The following MTR variants were observed in gnomAD, a reference collection of about 807,000 sequenced individuals.
The protein encoded by MTR is 5-methyltetrahydrofolate-homocysteine methyltransferase.
Under a neutral mutation model 154.8 loss-of-function variants are expected in MTR, and 84 were observed. The observed-to-expected ratio is 0.54, with a 90% CI of 0.45 to 0.65. The LOEUF (loss-of-function observed/expected upper bound fraction) is 0.65. Among genes scored for constraint, MTR ranks in the 30% least tolerant of loss-of-function variants. MTR has a pLI of 0.00. For missense variants in MTR, 1,275 were observed against 1,570.2 expected (o/e 0.81, Z 3.18); for synonymous variants, 554 against 553.9 (o/e 1.00, Z 0.00).
chr1:236,883,874 A>G (rs139123640), intron 25 of MTR, among the ~76,000 whole-genome samples: 1 of 152,292 alleles, frequency 6.6e-6, no homozygotes, highest in East Asian at 1.9e-4. Context: ...TTAAGTTCAG[A>G]TGAAGATGTT....
Position 236,885,116 on chromosome 1 carries a change from T to G in MTR, c.2677-5T>G. On this transcript the variant is annotated splice_polypyrimidine_tract_variant and splice_region_variant and intron_variant, in intron 25 of 32. Transcript: ENST00000366577. ...TGCTCATCTATGGCTATCTTGCATT[T>G]TCAGTGTTCCCAGCTGTTAGATGAA... 1 of 1,587,164 alleles carries G rather than the reference T, an allele frequency of 6.3e-7. No individual in the cohort carries two copies. Among genetic ancestry groups the G allele is most frequent in the Non-Finnish European group, 8.7e-7 (1 of 1,155,682 alleles).
intron 15 of MTR, among the ~76,000 whole-genome samples, chr1:236,840,908 C>G (rs536421459): frequency 4.6e-5 from 7 of 152,094 alleles, no homozygotes; most frequent in Non-Finnish European, 8.8e-5. Context: ...AAAGAGTGTA[C>G]ACATTTACTA....
At chr1:236,883,572 G>A (rs760052395) in intron 25 of MTR, among the ~76,000 whole-genome samples, 5 of 152,218 alleles carry the variant, frequency 3.3e-5, no homozygotes, top group Non-Finnish European at 7.3e-5. Flanking sequence ...GGAGTTCAGA[G>A]TAGGCATTCC....
At chr1:236,833,336 GTAA>G (rs1662722664) in intron 13 of MTR, among the ~76,000 whole-genome samples, 1 of 152,218 alleles carries the variant, frequency 6.6e-6, no homozygotes, top group South Asian at 2.1e-4. Flanking sequence ...ACAGGTGGAA[GTAA>G]TAATATCTAT....
chr1:236,816,306 A>G (rs975545236), intron 7 of MTR, 143 bp from the exon 8 acceptor site: 5 of 735,644 alleles, frequency 6.8e-6, no homozygotes, highest in Admixed American at 4.0e-5. Context: ...TATTATAGAA[A>G]GTGCCCCCTT....
At chr1:236,821,718 C>T (rs1661964174) in intron 8 of MTR, among the ~76,000 whole-genome samples, 1 of 152,064 alleles carries the variant, frequency 6.6e-6, no homozygotes. Flanking sequence ...GTCTGTGTTC[C>T]ATTTTGAGTT....
intron 24 of MTR, among the ~76,000 whole-genome samples, chr1:236,880,403 A>G (rs2147900225): frequency 6.6e-6 from 1 of 152,206 alleles, no homozygotes; most frequent in South Asian, 2.1e-4. Flanking sequence ...AGGGAACTCA[A>G]CCTGACCTTG....
At position 236,889,203 on chromosome 1, in the gene MTR, C is replaced by G; in HGVS notation, c.2874C>G (p.Thr958=). The G allele has an allele frequency of 6.2e-7, 1 of 1,614,164 alleles. No homozygotes were observed. Among genetic ancestry groups the G allele is most frequent in the Non-Finnish European group, 8.5e-7 (1 of 1,180,032 alleles). The change falls in exon 28 of 33, where the codon ACC becomes ACG. Residue 958 remains threonine, a synonymous_variant. Transcript: ENST00000366577. ...PHPVKPTFIG[T]QVFEDYDLQK... is the part of the protein sequence containing the mutation. ...TAGTGAAGCCCACGTTTATTGGGAC[C>G]CAGGTCTTTGAAGACTATGACCTGC...
At chr1:236,879,039 C>T (rs1665583845) in intron 24 of MTR, among the ~76,000 whole-genome samples, 1 of 152,228 alleles carries the variant, frequency 6.6e-6, no homozygotes, top group South Asian at 2.1e-4. Context: ...CTGGTCTTGT[C>T]TGTCTTATGA....
At chr1:236,846,032 T>C (rs1271889125) in intron 15 of MTR, among the ~76,000 whole-genome samples, 9 of 152,246 alleles carry the variant, frequency 5.9e-5, no homozygotes, top group Admixed American at 5.9e-4. Flanking sequence ...TTTGAGTGTT[T>C]GGTTAATGTC....
intron 8 of MTR, among the ~76,000 whole-genome samples, chr1:236,823,812 T>C (rs1558288084): frequency 7.4e-6 from 1 of 135,314 alleles, no homozygotes; most frequent in Non-Finnish European, 1.6e-5. Context: ...TTTTTTTTTT[T>C]TTTTTTTTTT....
At chr1:236,795,794 C>T (rs1465498260) in intron 1 of MTR, 57 bp downstream of exon 1, 1 of 1,611,936 alleles carries the variant, frequency 6.2e-7, no homozygotes, top group African/African-American at 1.3e-5. Context: ...CGTGCTGTGG[C>T]CTCCTAATCC....
chr1:236,813,354 A>G (rs1432727064), intron 6 of MTR, among the ~76,000 whole-genome samples: 1 of 152,222 alleles, frequency 6.6e-6, no homozygotes, highest in East Asian at 1.9e-4. Flanking sequence ...ATCCTTATAC[A>G]TACGTTTTTA....
chr1:236,820,558 A>T, intron 8 of MTR: 1 of 629,398 alleles, frequency 1.6e-6, no homozygotes, highest in South Asian at 1.8e-5. Flanking sequence ...CATGGAAATA[A>T]GGCTGATGGA....
Position 236,835,694 on chromosome 1 carries a change from C to T in MTR, c.1329+7C>T. 1 of 1,613,150 alleles carries T rather than the reference C, an allele frequency of 6.2e-7. No homozygotes were observed. The highest frequency in any genetic ancestry group is 1.1e-5 in the South Asian group (1 of 90,958). ...CGAGCCAGACATCGCAAAGGTTATA[C>T]AAAGTTTATGTTTATCAGGGGGATT... On this transcript the variant is annotated splice_region_variant and intron_variant, in intron 14 of 32. Coordinates refer to ENST00000366577, the MANE Select transcript of MTR (RefSeq NM_000254.3).
intron 13 of MTR, among the ~76,000 whole-genome samples, chr1:236,832,960 C>G (rs182989304): frequency 1.8e-3 from 278 of 152,346 alleles, no homozygotes; most frequent in Middle Eastern, 3.4e-3. Flanking sequence ...CTCATTCTTG[C>G]TGCTGTCCAG....
rs1043431647 is a variant in MTR at position 236,899,843 on chromosome 1, G to A, written c.*2199G>A. ...GGGCTTTTAAATAAATAGATGTTCT[G>A]TAGCATTGGTCAGGGAAATATGAAT... is the stretch of plus-strand genomic sequence containing the variant. On this transcript the variant is annotated 3_prime_UTR_variant, in exon 33 of 33. Transcript: ENST00000366577. 1.3e-5 allele frequency: 2 copies of A among 152,846 alleles called. No homozygotes were observed. The highest frequency in any genetic ancestry group is 4.8e-5 in the African/African-American group (2 of 41,466). The allele number at this position is 152,846 out of a possible 1,614,324, so 9.5% of individuals were successfully genotyped here.
intron 8 of MTR, among the ~76,000 whole-genome samples, chr1:236,821,583 G>GT (rs1221955865): frequency 2.6e-5 from 4 of 151,804 alleles, no homozygotes; most frequent in East Asian, 1.9e-4. Context: ...CTAGTTACCA[G>GT]TTTTTTTTCT....
rs1666738735 is a variant in MTR at position 236,897,636 on chromosome 1, A to G, written c.3790A>G (p.Thr1264Ala). 7 of 1,611,524 alleles carry G rather than the reference A, an allele frequency of 4.3e-6. No individual in the cohort carries two copies. The highest frequency in any genetic ancestry group is 1.3e-5 in the African/African-American group (1 of 74,376). ...GCTTGGACCCATTTTGGGATATGAT[A>G]CAGACTAACTTTTTTTTTTTTTTTG... The part of the protein sequence containing the change: ...KWLGPILGYD[T>A]D The change falls in exon 33 of 33, where the codon ACA becomes GCA. Residue 1264 changes from threonine to alanine, a missense_variant. By Grantham distance (58) the Thr-to-Ala change is moderately conservative. Coordinates refer to ENST00000366577, the MANE Select transcript of MTR (RefSeq NM_000254.3).
Sources: gnomAD v4.1 joint callset for allele counts (sites outside exome capture counted in the v4.1 genomes callset) on GRCh38, gnomAD v4.1.1 for gene constraint, MANE v1.5 for transcripts, NCBI Gene and HGNC (gene_info 2026-07-23, HGNC 2026-07-21) for gene names.